The following ARHGAP6 variants were observed in gnomAD, a reference collection of about 807,000 sequenced individuals.
ARHGAP6 encodes the protein rho GTPase-activating protein 6.
ARHGAP6 carries 16 observed loss-of-function variants against 55.7 expected under a neutral mutation model. That is an observed-to-expected ratio of 0.29 (90% confidence interval 0.19 to 0.44). ARHGAP6 has a LOEUF of 0.44. Ranked by LOEUF, ARHGAP6 falls within the 20% of genes least tolerant of loss-of-function variation. The probability of loss-of-function intolerance (pLI) is 1.00; values close to 1 mark genes in which losing one functional copy is unlikely to be tolerated. For synonymous variants in ARHGAP6, 382 were observed against 360.9 expected (o/e 1.06, Z -0.66); for missense variants, 698 against 808.9 (o/e 0.86, Z 1.66).
chrX:11,464,216 A>G (rs1261096498), intron 1 of ARHGAP6, among the ~76,000 whole-genome samples: 1 of 112,214 alleles, frequency 8.9e-6, no homozygotes, highest in Non-Finnish European at 1.9e-5. Context: ...CAAAAAAGGA[A>G]TATTTACAAA....
chrX:11,418,644 A>G (rs1208163968), intron 1 of ARHGAP6, among the ~76,000 whole-genome samples: 2 of 111,938 alleles, frequency 1.8e-5, no homozygotes, highest in South Asian at 3.7e-4. Flanking sequence ...CCAATATTAG[A>G]TTAATGACAA....
At chrX:11,496,811 T>C (rs2147853592) in intron 1 of ARHGAP6, among the ~76,000 whole-genome samples, 1 of 111,865 alleles carries the variant, frequency 8.9e-6, no homozygotes. Context: ...TTTTGATTAA[T>C]AGATTTAGTA....
chrX:11,448,114 A>C (rs2050110000), intron 1 of ARHGAP6, among the ~76,000 whole-genome samples: 1 of 112,432 alleles, frequency 8.9e-6, no homozygotes, highest in Non-Finnish European at 1.9e-5. Flanking sequence ...CTTTCGCCTC[A>C]AAGCATATTC....
At chrX:11,566,278 T>C (rs746407087) in intron 1 of ARHGAP6, among the ~76,000 whole-genome samples, 1 of 112,230 alleles carries the variant, frequency 8.9e-6, no homozygotes, top group East Asian at 2.8e-4. Context: ...GTTCATTTTG[T>C]AAAATAATGC....
At chrX:11,187,605 G>A (rs773797039) in intron 4 of ARHGAP6, among the ~76,000 whole-genome samples, 1 of 112,011 alleles carries the variant, frequency 8.9e-6, no homozygotes, top group East Asian at 2.8e-4. Context: ...CAATGGATCA[G>A]GTCCCCCTCT....
At chrX:11,430,865 A>T (rs1184581077) in intron 1 of ARHGAP6, among the ~76,000 whole-genome samples, 1 of 112,158 alleles carries the variant, frequency 8.9e-6, no homozygotes, top group Non-Finnish European at 1.9e-5. Flanking sequence ...CATTGTGCCC[A>T]TTAAGTAATT....
At chrX:11,290,782 C>G (rs1603025046) in intron 1 of ARHGAP6, among the ~76,000 whole-genome samples, 1 of 111,839 alleles carries the variant, frequency 8.9e-6, no homozygotes, top group South Asian at 3.7e-4. Context: ...TGGAGAGGAA[C>G]CCCAAAACAA....
chrX:11,200,764 T>C, intron 2 of ARHGAP6, among the ~76,000 whole-genome samples: 1 of 112,406 alleles, frequency 8.9e-6, no homozygotes, highest in East Asian at 2.8e-4. Flanking sequence ...GATGGAACTC[T>C]TGGGTTGGGT....
At chrX:11,174,582 C>CT (rs777737102) in intron 8 of ARHGAP6, among the ~76,000 whole-genome samples, 1 of 88,224 alleles carries the variant, frequency 1.1e-5, no homozygotes, top group Non-Finnish European at 2.3e-5. Context: ...TCCTTTCTTT[C>CT]TTTCTTTCTT....
At chrX:11,601,466 T>C (rs531397493) in intron 1 of ARHGAP6, among the ~76,000 whole-genome samples, 2 of 111,798 alleles carry the variant, frequency 1.8e-5, no homozygotes, top group African/African-American at 6.5e-5. Context: ...GGCTGCACCA[T>C]TCATGGTACC....
intron 1 of ARHGAP6, among the ~76,000 whole-genome samples, chrX:11,576,429 T>A (rs1034461608): frequency 1.8e-5 from 2 of 112,100 alleles, no homozygotes; most frequent in African/African-American, 6.5e-5. Context: ...AGACACATGC[T>A]ACAATTTTTG....
At chrX:11,405,995 C>G (rs978233279) in intron 1 of ARHGAP6, among the ~76,000 whole-genome samples, 4 of 111,249 alleles carry the variant, frequency 3.6e-5, no homozygotes, top group Admixed American at 9.6e-5. Context: ...CCACAGCCTC[C>G]CTCGCTCAAG....
intron 1 of ARHGAP6, among the ~76,000 whole-genome samples, chrX:11,527,741 T>A (rs1239513457): frequency 1.8e-5 from 2 of 112,708 alleles, no homozygotes; most frequent in African/African-American, 6.4e-5. Flanking sequence ...GTCACTCAGT[T>A]AAATTTGACT....
At chrX:11,515,568 G>C (rs997157189) in intron 1 of ARHGAP6, among the ~76,000 whole-genome samples, 1 of 111,556 alleles carries the variant, frequency 9.0e-6, no homozygotes, top group African/African-American at 3.3e-5. Context: ...AAACCTATAG[G>C]CCATGGAAAT....
intron 1 of ARHGAP6, among the ~76,000 whole-genome samples, chrX:11,383,908 C>A (rs919608008): frequency 1.8e-5 from 2 of 110,406 alleles, no homozygotes; most frequent in Non-Finnish European, 3.8e-5. Flanking sequence ...TCAGAATAAA[C>A]TAGAAAATAA....
At chrX:11,574,665 C>G (rs1355213382) in intron 1 of ARHGAP6, among the ~76,000 whole-genome samples, 1 of 110,430 alleles carries the variant, frequency 9.1e-6, no homozygotes, top group Non-Finnish European at 1.9e-5. Context: ...AAAACCGGCA[C>G]AAGACAGGGA....
chrX:11,296,735 C>G (rs1442337514), intron 1 of ARHGAP6: 1 of 1,150,838 alleles, frequency 8.7e-7, no homozygotes, highest in Admixed American at 2.2e-5. Flanking sequence ...TCACTCTCTC[C>G]CTTCCTCTCT....
At chrX:11,264,326 C>T (rs751194277) in intron 1 of ARHGAP6, among the ~76,000 whole-genome samples, 1 of 111,714 alleles carries the variant, frequency 9.0e-6, no homozygotes, top group South Asian at 3.8e-4. Flanking sequence ...ACCTGGGTTA[C>T]CGATAAACTA....
intron 1 of ARHGAP6, among the ~76,000 whole-genome samples, chrX:11,338,331 C>G (rs1168835236): frequency 9.0e-6 from 1 of 111,723 alleles, no homozygotes; most frequent in Non-Finnish European, 1.9e-5. Flanking sequence ...TTGAATCTTA[C>G]TTGGCATTTA....
Sources: allele counts gnomAD v4.1 joint callset (sites outside exome capture counted in the v4.1 genomes callset), GRCh38; gene constraint gnomAD v4.1.1; transcripts MANE v1.5; gene names NCBI Gene and HGNC (gene_info 2026-07-23, HGNC 2026-07-21).